GNAQ: variants seen among roughly 807,000 people sequenced by gnomAD.
The protein encoded by GNAQ is G protein subunit alpha q, also known as guanine nucleotide-binding protein G(q) subunit alpha.
Under a neutral mutation model 43.9 loss-of-function variants are expected in GNAQ, and 8 were observed. The observed-to-expected ratio is 0.18, with a 90% confidence interval of 0.11 to 0.33. The LOEUF (loss-of-function observed/expected upper bound fraction) is 0.33, where lower values mean the gene tolerates loss of function less well. Ranked by LOEUF, GNAQ falls within the 10% of genes least tolerant of loss-of-function variation. The pLI is 1.00. For missense variants in GNAQ, 158 were observed against 450.8 expected, an observed-to-expected ratio of 0.35 and a Z score of 5.88; for synonymous variants, 155 against 170.7, an observed-to-expected ratio of 0.91 and a Z score of 0.71.
chr9:77,850,861 C>A lies in GNAQ; in HGVS notation c.322-35091G>T, dbSNP rs1827664560. 2.0e-5 allele frequency among the ~76,000 whole-genome samples: 3 copies of A among 152,118 alleles called. No individual in the cohort carries two copies. In the South Asian group the frequency reaches 6.2e-4, roughly 32 times the overall value. The stretch of plus-strand genomic sequence containing the variant: ...TGACCCTCGCCTGCCTCTTCCCAGG[C>A]ACCATCACTCCTGCCTGCTCACCAC... On this transcript the variant is annotated intron_variant, in intron 2 of 6. Transcript: ENST00000286548.
intron 2 of GNAQ, among the ~76,000 whole-genome samples, chr9:77,829,328 A>T (rs1041457242): frequency 6.6e-6 from 1 of 152,150 alleles, no homozygotes; most frequent in African/African-American, 2.4e-5. Context: ...TCTTCTTCAC[A>T]TCCTTATAAT....
At chr9:77,871,027 G>A (rs1828032283) in intron 2 of GNAQ, among the ~76,000 whole-genome samples, 1 of 152,174 alleles carries the variant, frequency 6.6e-6, no homozygotes, top group South Asian at 2.1e-4. Context: ...GCTAATGGTA[G>A]TGGTGGGTGC....
At chr9:77,826,116 G>C (rs1164908712) in intron 2 of GNAQ, among the ~76,000 whole-genome samples, 1 of 152,158 alleles carries the variant, frequency 6.6e-6, no homozygotes. Context: ...GCTGCCAATA[G>C]CTTCCCACTA....
chr9:77,761,302 C>T (rs1279971497), intron 5 of GNAQ, among the ~76,000 whole-genome samples: 92 of 130,568 alleles, frequency 7.0e-4, no homozygotes, highest in Non-Finnish European at 1.0e-3. Context: ...CCTGGCCAGC[C>T]GCCCCATCCG....
intron 2 of GNAQ, among the ~76,000 whole-genome samples, chr9:77,854,462 G>A (rs1827719893): frequency 6.6e-6 from 1 of 152,220 alleles, no homozygotes; most frequent in African/African-American, 2.4e-5. Context: ...CAGGTTAAGT[G>A]GCAGTGATGC....
intron 2 of GNAQ, among the ~76,000 whole-genome samples, chr9:77,906,246 C>A (rs1295069502): frequency 6.6e-6 from 1 of 152,060 alleles, no homozygotes; most frequent in South Asian, 2.1e-4. Flanking sequence ...AATTTTACAG[C>A]CAAACGTTTA....
chr9:77,874,104 CA>C (rs71937328), intron 2 of GNAQ, among the ~76,000 whole-genome samples: 34 of 98,948 alleles, frequency 3.4e-4, no homozygotes, highest in African/African-American at 4.3e-4. Context: ...AACTCCATCT[CA>C]AAAAAAAAAA....
At chr9:77,826,419 G>A (rs1434236985) in intron 2 of GNAQ, among the ~76,000 whole-genome samples, 1 of 152,106 alleles carries the variant, frequency 6.6e-6, no homozygotes, top group African/African-American at 2.4e-5. Flanking sequence ...CAGCTTCCTG[G>A]CTAGAATCCA....
chr9:77,720,545 C>G lies in GNAQ; in HGVS notation c.*778G>C, dbSNP rs547929961. ...AAAGAAGCAAAGAAGGGAGGAAAGA[C>G]AATGGCACGTGGCATTTCAAAAGAA... is the stretch of plus-strand genomic sequence containing the variant. On this transcript the variant is annotated 3_prime_UTR_variant, in exon 7 of 7. Transcript: ENST00000286548. The G allele has an allele frequency of 8.6e-6, 2 of 233,464 alleles. No homozygotes were observed. The highest frequency in any genetic ancestry group is 3.6e-4 in the South Asian group (2 of 5,518). The allele number at this position is 233,464 out of a possible 1,614,324, so 14.5% of individuals were successfully genotyped here.
intron 5 of GNAQ, among the ~76,000 whole-genome samples, chr9:77,773,416 T>A (rs1826257511): frequency 6.6e-6 from 1 of 152,224 alleles, no homozygotes; most frequent in African/African-American, 2.4e-5. Flanking sequence ...CCAGGAAGTT[T>A]GTATGTTATC....
At chr9:77,890,148 T>C (rs536905045) in intron 2 of GNAQ, among the ~76,000 whole-genome samples, 11 of 152,192 alleles carry the variant, frequency 7.2e-5, no homozygotes, top group Non-Finnish European at 1.2e-4. Flanking sequence ...TTATAATGTA[T>C]CTTAATTCTG....
chr9:77,952,593 G>A (rs891158003), intron 1 of GNAQ, among the ~76,000 whole-genome samples: 2 of 152,248 alleles, frequency 1.3e-5, no homozygotes, highest in African/African-American at 4.8e-5. Context: ...ATTAAGAATT[G>A]CAGAAAAAAG....
At chr9:77,983,039 A>T (rs1823388215) in intron 1 of GNAQ, among the ~76,000 whole-genome samples, 1 of 152,212 alleles carries the variant, frequency 6.6e-6, no homozygotes, top group East Asian at 1.9e-4. Flanking sequence ...ATGGGTCTCT[A>T]ACTGGCCCCT....
chr9:77,940,373 G>C (rs1439966098), intron 1 of GNAQ, among the ~76,000 whole-genome samples: 1 of 152,110 alleles, frequency 6.6e-6, no homozygotes, highest in Admixed American at 6.6e-5. Context: ...CTAAGCTCAG[G>C]AGTTTGAGAT....
chr9:77,842,020 T>C (rs1827499869), intron 2 of GNAQ, among the ~76,000 whole-genome samples: 1 of 152,318 alleles, frequency 6.6e-6, no homozygotes, highest in East Asian at 1.9e-4. Flanking sequence ...TGCAGGTGTA[T>C]AGCTTAGAAA....
At chr9:77,850,689 G>C (rs1365572066) in intron 2 of GNAQ, among the ~76,000 whole-genome samples, 4 of 152,090 alleles carry the variant, frequency 2.6e-5, no homozygotes, top group Non-Finnish European at 5.9e-5. Flanking sequence ...CCTCCTTTCA[G>C]TTCCCCAGAC....
intron 5 of GNAQ, among the ~76,000 whole-genome samples, chr9:77,772,405 T>C (rs1400695137): frequency 1.3e-5 from 2 of 152,196 alleles, no homozygotes; most frequent in African/African-American, 4.8e-5. Flanking sequence ...CTCCACCAAG[T>C]GTGCTCTGCT....
chr9:77,923,029 TA>T (rs1311436865), intron 1 of GNAQ, among the ~76,000 whole-genome samples: 4 of 146,518 alleles, frequency 2.7e-5, no homozygotes, highest in African/African-American at 5.0e-5. Context: ...TTTTTTTTTT[TA>T]AATTTCTGTA....
At chr9:77,912,030 A>C (rs1828813905) in intron 2 of GNAQ, among the ~76,000 whole-genome samples, 1 of 152,174 alleles carries the variant, frequency 6.6e-6, no homozygotes. Flanking sequence ...AACCCTAGGA[A>C]ATCTACCTGC....
Sources: gnomAD v4.1 joint callset for allele counts (sites outside exome capture counted in the v4.1 genomes callset) on GRCh38, gnomAD v4.1.1 for gene constraint, MANE v1.5 for transcripts, NCBI Gene and HGNC (gene_info 2026-07-23, HGNC 2026-07-21) for gene names.